The following DSG3 variants were observed in gnomAD, a reference collection of about 807,000 sequenced individuals.
The protein encoded by DSG3 is desmoglein-3.
In DSG3, 63 loss-of-function variants were observed where a neutral mutation model predicts 85.9. The observed-to-expected ratio is 0.73, with a 90% confidence interval of 0.60 to 0.90. The LOEUF is 0.90. DSG3 is among the 40% of genes least tolerant of loss of function. The pLI, the probability that DSG3 is intolerant of heterozygous loss-of-function variation, is 0.00. For missense variants in DSG3, 1,220 were observed against 1,219.9 expected (o/e 1.00, Z 0.00); for synonymous variants, 447 against 441.9 (o/e 1.01, Z -0.14).
rs2072888270 is a variant in DSG3, at chr18:31,476,348, G to A, written c.*88G>A. ...AGCATAGCAAAGCTCACTGTATTGG[G>A]CTAATAATTTGGCACTTATTAGCTT... On this transcript the variant is annotated 3_prime_UTR_variant, in exon 16 of 16. Coordinates refer to ENST00000257189, the MANE Select transcript of DSG3 (RefSeq NM_001944.3). 23 of 1,478,770 alleles carry A rather than the reference G, an allele frequency of 1.6e-5. No homozygotes were observed. Among genetic ancestry groups the A allele is most frequent in the Non-Finnish European group, 2.0e-5 (22 of 1,104,732 alleles). 91.6% of individuals were successfully genotyped at this position (1,478,770 alleles called of 1,614,324 possible).
In DSG3 at chr18:31,466,650, T is replaced by A; in HGVS notation, c.1532T>A (p.Val511Asp). 1.9e-6 allele frequency: 3 copies of A among 1,614,212 alleles called. No homozygotes were observed. Among genetic ancestry groups the A allele is most frequent in the Non-Finnish European group, 2.5e-6 (3 of 1,180,038 alleles). The change falls in exon 11 of 16, where the codon GTC becomes GAC. Residue 511 changes from valine (V) to aspartate (D), a missense_variant. Transcript: ENST00000257189. ...TGCAGTTCTTCACCTTCCGTGGTTG[T>A]CTCCGCTAGAACACTGAATAATAGA... ...AVCSSSPSVV[V>D]SARTLNNRYT...
rs540693754 is a variant in DSG3, at chr18:31,459,069, G to A, written c.409G>A (p.Val137Ile). The A allele has an allele frequency of 1.2e-6, 2 of 1,613,830 alleles. No homozygotes were observed. The highest frequency in any genetic ancestry group is 1.7e-5 in the Admixed American group (1 of 59,964). ...GGCTCTAAATGCCCAAGGACTAGAT[G>A]TAGAGAAACCACTTATACTAACGGT... ...CRALNAQGLD[V>I]EKPLILTVKI... The change falls in exon 5 of 16, where the codon GTA (valine) becomes ATA (isoleucine). Residue 137 changes from valine (V) to isoleucine (I), a missense_variant. Physicochemically the swap from Val to Ile is conservative, Grantham distance 29. Coordinates refer to ENST00000257189, the MANE Select transcript of DSG3 (RefSeq NM_001944.3).
intron 11 of DSG3, among the ~76,000 whole-genome samples, chr18:31,468,153 C>T (rs138078355): frequency 1.3e-5 from 2 of 152,326 alleles, no homozygotes; most frequent in African/African-American, 4.8e-5. Context: ...AAAAAGGCAA[C>T]ATAGCAATGG....
chr18:31,465,980 A>C (rs2072816042), intron 10 of DSG3, among the ~76,000 whole-genome samples: 2 of 152,228 alleles, frequency 1.3e-5, no homozygotes, highest in South Asian at 4.1e-4. Flanking sequence ...TATCAAAAAG[A>C]TTGCCATTTG....
chr18:31,474,357 G>C lies in DSG3; in HGVS notation c.2338G>C (p.Ala780Pro). 6.2e-7 allele frequency: 1 copy of C among 1,613,882 alleles called. No homozygotes were observed. ...CACTGGAGGAACCAATAAGGACTAC[G>C]CTGATGGGGCGATAAGCATGAATTT... is the stretch of plus-strand genomic sequence containing the variant. ...HSTGGTNKDY[A>P]DGAISMNFLD... Residue 780 changes from alanine to proline, a missense_variant, in exon 15 of 16, where the codon GCT (alanine) becomes CCT (proline). Physicochemically the swap from Ala to Pro is conservative, Grantham distance 27 (BLOSUM62 -1). Transcript: ENST00000257189.
At chr18:31,475,569 A>G in intron 15 of DSG3, 77 bp from the exon 16 acceptor site, 6 of 1,510,398 alleles carry the variant, frequency 4.0e-6, no homozygotes, top group Middle Eastern at 1.8e-4. Context: ...AATCCAAATG[A>G]GTTCTACAAA....
intron 1 of DSG3, among the ~76,000 whole-genome samples, chr18:31,448,587 G>A (rs1281268168): frequency 1.3e-5 from 2 of 150,826 alleles, no homozygotes; most frequent in African/African-American, 4.9e-5. Flanking sequence ...AAAGAGAAAC[G>A]GAATGTTACA....
At chr18:31,461,847 A>G (rs964798477) in intron 8 of DSG3, among the ~76,000 whole-genome samples, 2 of 152,244 alleles carry the variant, frequency 1.3e-5, no homozygotes, top group African/African-American at 4.8e-5. Flanking sequence ...AGCTACAGTC[A>G]ATAGAGAATA....
chr18:31,474,053 G>T, intron 14 of DSG3, 68 bp from the exon 15 acceptor site: 1 of 1,516,988 alleles, frequency 6.6e-7, no homozygotes. Context: ...AGACACCCAA[G>T]ACCCATTTTA....
intron 1 of DSG3, 36 bp downstream of exon 1, chr18:31,447,961 C>T (rs1396968068): frequency 1.4e-6 from 2 of 1,477,702 alleles, no homozygotes; most frequent in South Asian, 1.3e-5. Context: ...CACAAACTTC[C>T]CTGCTTCCTC....
rs1373259997 is a variant in DSG3, at chr18:31,461,400, G to A, written c.987G>A (p.Leu329=). The A allele has an allele frequency of 3.1e-6, 5 of 1,612,710 alleles. 1 individual carries two copies. In the South Asian group the frequency reaches 3.3e-5, roughly 11 times the overall value. Residue 329 remains leucine (L), a synonymous_variant, in exon 8 of 16, where the codon CTG becomes CTA. Transcript: ENST00000257189. ...QTDPRTNEGI[L]KVVKALDYEQ... ...ATCCTAGAACTAATGAAGGCATCCT[G>A]AAAGTGGTGAAGGTAAGGTCTGACT... is the stretch of plus-strand genomic sequence containing the variant.
At chr18:31,457,250 T>C (rs2072748123) in intron 3 of DSG3, 126 bp downstream of exon 3, 1 of 755,198 alleles carries the variant, frequency 1.3e-6, no homozygotes, top group Non-Finnish European at 2.0e-6. Flanking sequence ...TGAACTGGTA[T>C]CCTCAACAAA....
chr18:31,474,023 T>A, intron 14 of DSG3, 98 bp from the exon 15 acceptor site: 1 of 1,179,936 alleles, frequency 8.5e-7, no homozygotes, highest in Non-Finnish European at 1.2e-6. Flanking sequence ...CACTTACTTG[T>A]TTGCATGGTG....
chr18:31,464,011 A>G, intron 8 of DSG3, 100 bp from the exon 9 acceptor site: 1 of 1,116,742 alleles, frequency 9.0e-7, no homozygotes, highest in South Asian at 1.6e-5. Flanking sequence ...AAAACAAGAG[A>G]ATTCATTCAC....
At chr18:31,474,808 G>A (rs2072876828) in intron 15 of DSG3, among the ~76,000 whole-genome samples, 1 of 152,184 alleles carries the variant, frequency 6.6e-6, no homozygotes, top group Non-Finnish European at 1.5e-5. Context: ...CACAACATGA[G>A]AGCATATAGC....
rs201949281 is a variant in DSG3 at position 31,458,431 on chromosome 18, A to T, written c.217-14A>T. ...TGATGGTCACCTCAACGTTTTTGGTATTTGGGGCTGTAGATTACTTCAGAT... is the reference window on the plus strand; with the variant it reads ...TGATGGTCACCTCAACGTTTTTGGTTTTTGGGGCTGTAGATTACTTCAGAT... On this transcript the variant is annotated splice_polypyrimidine_tract_variant and intron_variant, in intron 3 of 15. Coordinates refer to ENST00000257189, the MANE Select transcript of DSG3 (RefSeq NM_001944.3). 261 of 1,612,168 alleles carry T rather than the reference A, an allele frequency of 1.6e-4. No homozygotes were observed. The highest frequency in any genetic ancestry group is 2.1e-4 in the Non-Finnish European group (248 of 1,179,040).
Position 31,458,610 on chromosome 18 carries a change from G to A in DSG3, c.372+10G>A. ...AACTCCAAGCTTCCTGGTAAGTTTG[G>A]GTCCTCAACATTGGGCTACCCTTCT... is the stretch of plus-strand genomic sequence containing the variant. On this transcript the variant is annotated intron_variant, in intron 4 of 15. Coordinates refer to ENST00000257189, the MANE Select transcript of DSG3 (RefSeq NM_001944.3). 6.2e-7 allele frequency: 1 copy of A among 1,610,214 alleles called. No homozygotes were observed. Among genetic ancestry groups the A allele is most frequent in the African/African-American group, 1.3e-5 (1 of 74,844 alleles).
intron 14 of DSG3, among the ~76,000 whole-genome samples, chr18:31,473,609 A>G (rs1396116261): frequency 6.6e-6 from 1 of 152,234 alleles, no homozygotes; most frequent in Non-Finnish European, 1.5e-5. Flanking sequence ...GTAAAGAATT[A>G]TCTAGAAAAA....
Position 31,459,006 on chromosome 18 carries a change from T to C in DSG3, c.373-27T>C, listed in dbSNP as rs377689078. 3 of 1,611,060 alleles carry C rather than the reference T, an allele frequency of 1.9e-6. No homozygotes were observed. In the Admixed American group the frequency reaches 5.1e-5, roughly 27 times the overall value. ...AGTATGAAAACTGATTGCAGAGTAATACTCCACATTTTCCCTCTGTTCCTA... is the reference window on the plus strand; with the variant it reads ...AGTATGAAAACTGATTGCAGAGTAACACTCCACATTTTCCCTCTGTTCCTA... On this transcript the variant is annotated intron_variant, in intron 4 of 15. Coordinates refer to ENST00000257189, the MANE Select transcript of DSG3 (RefSeq NM_001944.3).
Sources: allele counts gnomAD v4.1 joint callset (sites outside exome capture counted in the v4.1 genomes callset), GRCh38; gene constraint gnomAD v4.1.1; transcripts MANE v1.5; gene names NCBI Gene and HGNC (gene_info 2026-07-23, HGNC 2026-07-21).